SLMAP: variants seen among roughly 807,000 people sequenced by gnomAD.
SLMAP encodes sarcolemmal membrane-associated protein.
In SLMAP, 44 loss-of-function variants were observed where a neutral mutation model predicts 128.8. That is an observed-to-expected ratio of 0.34 (90% confidence interval 0.27 to 0.44). The LOEUF is 0.44. Ranked by LOEUF, SLMAP falls within the 20% of genes least tolerant of loss-of-function variation. The pLI is 1.00. For synonymous variants in SLMAP, 327 were observed against 348.8 expected, an observed-to-expected ratio of 0.94 and a Z score of 0.70; for missense variants, 787 against 985.3, an observed-to-expected ratio of 0.80 and a Z score of 2.69.
intron 19 of SLMAP, among the ~76,000 whole-genome samples, chr3:57,911,089 A>AT (rs2096682820): frequency 6.6e-6 from 1 of 152,096 alleles, no homozygotes; most frequent in South Asian, 2.1e-4. Flanking sequence ...TTGGATCTCT[A>AT]TTTTCATCGT....
chr3:57,814,297 C>G (rs1010310299), intron 2 of SLMAP, among the ~76,000 whole-genome samples: 9 of 151,926 alleles, frequency 5.9e-5, no homozygotes, highest in African/African-American at 1.5e-4. Context: ...TCAAGCGGTC[C>G]TCATGCCTCA....
Position 57,916,954 on chromosome 3 carries a change from A to C in SLMAP, c.2187A>C (p.Gln729His). 10 of 1,613,912 alleles carry C rather than the reference A, an allele frequency of 6.2e-6. No homozygotes were observed. The highest frequency in any genetic ancestry group is 8.5e-6 in the Non-Finnish European group (10 of 1,179,902). Residue 729 changes from glutamine (Q) to histidine (H), a missense_variant, in exon 22 of 25, where the codon CAA (glutamine) becomes CAC (histidine). Physicochemically the swap from Gln to His is conservative, Grantham distance 24. Coordinates refer to ENST00000671191, the MANE Select transcript of SLMAP (RefSeq NM_001377540.1). ...LELTSDLSILQMSRKELENQV... is the reference protein window; with the variant it reads ...LELTSDLSILHMSRKELENQV... Reference sequence around the variant, plus strand: ...TTACCAGTGATCTCAGCATCCTTCAAATGTCTAGGAAAGAACTTGAGAATC... The same window carrying C: ...TTACCAGTGATCTCAGCATCCTTCACATGTCTAGGAAAGAACTTGAGAATC...
At chr3:57,773,335 T>G (rs1436408427) in intron 2 of SLMAP, among the ~76,000 whole-genome samples, 1 of 152,248 alleles carries the variant, frequency 6.6e-6, no homozygotes, top group Non-Finnish European at 1.5e-5. Context: ...TTGGAAACTG[T>G]GAGACTAAGC....
intron 17 of SLMAP, among the ~76,000 whole-genome samples, chr3:57,907,002 T>C (rs896253175): frequency 3.7e-4 from 56 of 151,868 alleles, no homozygotes; most frequent in African/African-American, 1.3e-3. Flanking sequence ...ATTTAATATA[T>C]TCAGCAGATT....
intron 6 of SLMAP, among the ~76,000 whole-genome samples, chr3:57,850,754 C>A (rs367884448): frequency 1.3e-5 from 2 of 152,316 alleles, no homozygotes; most frequent in South Asian, 2.1e-4. Context: ...CTGCCTCAGC[C>A]TCCTGAGTGG....
chr3:57,896,823 A>G, intron 16 of SLMAP, 50 bp from the exon 17 acceptor site: 1 of 1,532,028 alleles, frequency 6.5e-7, no homozygotes, highest in South Asian at 1.3e-5. Context: ...GCTTGCTGAT[A>G]GATCTGAATA....
chr3:57,843,620 G>A (rs1205675411), intron 4 of SLMAP, among the ~76,000 whole-genome samples: 2 of 151,478 alleles, frequency 1.3e-5, no homozygotes, highest in African/African-American at 4.9e-5. Context: ...ATTTTTAAAT[G>A]ATAAGAAACA....
intron 4 of SLMAP, among the ~76,000 whole-genome samples, chr3:57,841,978 A>G (rs1208465283): frequency 6.6e-6 from 1 of 152,194 alleles, no homozygotes; most frequent in Non-Finnish European, 1.5e-5. Flanking sequence ...GATTATTATT[A>G]TGAAGTGTTG....
intron 2 of SLMAP, among the ~76,000 whole-genome samples, chr3:57,811,567 G>C (rs2090980010): frequency 6.6e-6 from 1 of 152,168 alleles, no homozygotes; most frequent in Non-Finnish European, 1.5e-5. Flanking sequence ...GGATGTACCA[G>C]TATCTCTTTG....
chr3:57,823,312 T>C (rs1201961466), intron 2 of SLMAP, among the ~76,000 whole-genome samples: 2 of 152,212 alleles, frequency 1.3e-5, no homozygotes, highest in Non-Finnish European at 1.5e-5. Context: ...GTTGGTGTGC[T>C]GCACCCATTA....
At chr3:57,766,251 C>T (rs1049655511) in intron 2 of SLMAP, among the ~76,000 whole-genome samples, 6 of 146,392 alleles carry the variant, frequency 4.1e-5, no homozygotes, top group South Asian at 2.1e-4. Context: ...TTCCTGACCT[C>T]GTGATCCGCC....
intron 17 of SLMAP, chr3:57,900,270 AAAT>A (rs1203452076): frequency 6.6e-6 from 1 of 152,218 alleles, no homozygotes; most frequent in African/African-American, 2.4e-5. Context: ...AGGACAAGGA[AAAT>A]AATAATAAAC....
chr3:57,909,229 G>A (rs1243253547), intron 19 of SLMAP, 79 bp downstream of exon 19: 4 of 1,029,024 alleles, frequency 3.9e-6, no homozygotes, highest in African/African-American at 1.6e-5. Flanking sequence ...GAGGCCAGGC[G>A]CAGTGGCTCA....
chr3:57,826,680 G>T (rs2092948529), intron 2 of SLMAP, among the ~76,000 whole-genome samples: 1 of 152,190 alleles, frequency 6.6e-6, no homozygotes, highest in Admixed American at 6.5e-5. Context: ...TTGGTTTTAA[G>T]AATTTATATG....
intron 2 of SLMAP, among the ~76,000 whole-genome samples, chr3:57,814,614 C>G (rs2091582083): frequency 6.6e-6 from 1 of 152,118 alleles, no homozygotes; most frequent in Admixed American, 6.5e-5. Flanking sequence ...ATCTCCTAGT[C>G]TGTGTAATAT....
rs2096022558 is a variant in SLMAP, at chr3:57,890,206, G to A, written c.1360+106G>A. The A allele has an allele frequency of 1.9e-5, 19 of 1,026,874 alleles. No individual in the cohort carries two copies. The South Asian group carries it at 2.6e-4, about 14-fold the overall frequency. The allele number at this position is 1,026,874 out of a possible 1,614,324, so 63.6% of individuals were successfully genotyped here. ...TTTAACCATCAGTTTACTTCTTATAGCTCACAAAATAGCAAGCCAGTAACA... is the reference window on the plus strand; with the variant it reads ...TTTAACCATCAGTTTACTTCTTATAACTCACAAAATAGCAAGCCAGTAACA... On this transcript the variant is annotated intron_variant, in intron 15 of 24. Coordinates refer to ENST00000671191, the MANE Select transcript of SLMAP (RefSeq NM_001377540.1).
chr3:57,903,731 T>G (rs1022514502), intron 17 of SLMAP, among the ~76,000 whole-genome samples: 1 of 152,198 alleles, frequency 6.6e-6, no homozygotes, highest in Admixed American at 6.5e-5. Context: ...CAATTCATGT[T>G]AAGGAAAAAA....
intron 2 of SLMAP, among the ~76,000 whole-genome samples, chr3:57,797,441 G>T (rs1046503307): frequency 1.3e-5 from 2 of 148,982 alleles, no homozygotes; most frequent in African/African-American, 5.0e-5. Flanking sequence ...CTAAGATCGC[G>T]CCATTGCACT....
chr3:57,862,146 C>CT, intron 10 of SLMAP, 60 bp downstream of exon 10: 1 of 1,386,726 alleles, frequency 7.2e-7, no homozygotes, highest in South Asian at 1.2e-5. Context: ...CACTAGATAG[C>CT]TTAAGATTTT....
Sources: allele counts gnomAD v4.1 joint callset (sites outside exome capture counted in the v4.1 genomes callset), GRCh38; gene constraint gnomAD v4.1.1; transcripts MANE v1.5; gene names NCBI Gene and HGNC (gene_info 2026-07-23, HGNC 2026-07-21).